Variants in OGT observed in about 807,000 individuals in gnomAD.
OGT encodes O-linked N-acetylglucosamine (GlcNAc) transferase.
Under a neutral mutation model 75.8 loss-of-function variants are expected in OGT, and 3 were observed. The ratio of observed to expected loss-of-function variants is 0.04; its 90% CI spans 0.02 to 0.10. The LOEUF (loss-of-function observed/expected upper bound fraction) is 0.10, where lower values mean the gene tolerates loss of function less well. Among genes scored for constraint, OGT ranks in the 10% least tolerant of loss-of-function variants. The pLI, the probability that OGT is intolerant of heterozygous loss-of-function variation, is 1.00. For missense variants in OGT, 260 were observed against 824.4 expected (o/e 0.32, Z 8.38); for synonymous variants, 257 against 289.7 (o/e 0.89, Z 1.15).
intron 5 of OGT, among the ~76,000 whole-genome samples, chrX:71,549,540 CT>C (rs781163939): frequency 7.5e-5 from 8 of 106,544 alleles, no homozygotes; most frequent in Admixed American, 2.0e-4. Context: ...TAATCCAGCA[CT>C]TTGCGAGGCT....
chrX:71,557,583 G>A lies in OGT; in HGVS notation c.1513G>A (p.Val505Met). Reference sequence around the variant, plus strand: ...GTTAGAGAAGAATAGGTTGCCTTCTGTGCATCCTCATCATAGTATGCTATA... The same window carrying A: ...GTTAGAGAAGAATAGGTTGCCTTCTATGCATCCTCATCATAGTATGCTATA... ...DQLEKNRLPS[V>M]HPHHSMLYPL... Residue 505 changes from valine (V) to methionine (M), a missense_variant, in exon 12 of 22, where the codon GTG becomes ATG. Val to Met is a conservative substitution (Grantham distance 21, BLOSUM62 1). Around this residue, in one of 6 missense-constraint regions of OGT, gnomAD observed 99 missense variants for 417.9 expected, o/e 0.24. Coordinates refer to ENST00000373719, the MANE Select transcript of OGT (RefSeq NM_181672.3). The A allele has an allele frequency of 8.3e-7, 1 of 1,208,604 alleles. No homozygotes were observed. Among genetic ancestry groups the A allele is most frequent in the Non-Finnish European group, 1.1e-6 (1 of 892,577 alleles).
At chrX:71,564,894 C>T (rs962329455) in intron 19 of OGT, 141 bp downstream of exon 19, 9 of 415,451 alleles carry the variant, frequency 2.2e-5, no homozygotes, top group African/African-American at 1.3e-4. Context: ...CAGTGGCTCA[C>T]GCCTGTAATC....
chrX:71,551,438 C>G (rs1360043644), intron 5 of OGT, among the ~76,000 whole-genome samples: 1 of 111,997 alleles, frequency 8.9e-6, no homozygotes, highest in East Asian at 2.8e-4. Context: ...TCGAGACCAG[C>G]CTGGCCAACA....
intron 5 of OGT, among the ~76,000 whole-genome samples, chrX:71,548,420 A>T (rs1010796654): frequency 9.0e-6 from 1 of 111,470 alleles, no homozygotes; most frequent in Non-Finnish European, 1.9e-5. Flanking sequence ...TGAGTGACAG[A>T]GTGAGACCCT....
At chrX:71,555,134 TTGTGTG>T (rs376605851) in intron 6 of OGT, 50 bp from the exon 7 acceptor site, 5,515 of 524,138 alleles carry the variant, frequency 0.011, 6 homozygotes, top group East Asian at 0.019. Context: ...GAGTTACATT[TTGTGTG>T]TGTGTGTGTG....
At chrX:71,557,953 C>CT (rs1332653132) in intron 12 of OGT, among the ~76,000 whole-genome samples, 1 of 108,669 alleles carries the variant, frequency 9.2e-6, no homozygotes, top group Non-Finnish European at 1.9e-5. Context: ...TTTCTTTTAT[C>CT]TTTTTTTTCT....
At chrX:71,543,996 G>C (rs2040242626) in intron 3 of OGT, among the ~76,000 whole-genome samples, 1 of 109,328 alleles carries the variant, frequency 9.1e-6, no homozygotes, top group Non-Finnish European at 1.9e-5. Context: ...ATGTTGGCCA[G>C]GTTGATCTCG....
intron 1 of OGT, among the ~76,000 whole-genome samples, chrX:71,533,706 C>G (rs1404982994): frequency 9.0e-6 from 1 of 110,792 alleles, no homozygotes; most frequent in African/African-American, 3.3e-5. Flanking sequence ...TCCCCTAATT[C>G]CAGCTCATCG....
intron 4 of OGT, chrX:71,546,817 G>A (rs1408095512): frequency 1.3e-6 from 1 of 753,716 alleles, no homozygotes; most frequent in Non-Finnish European, 1.6e-6. Context: ...CAGCGTTAAT[G>A]CGCATTGCGT....
chrX:71,571,020 G>C lies in OGT; in HGVS notation c.2967-2600G>C, dbSNP rs777971139. Among the ~76,000 whole-genome samples, 12 of 106,989 alleles carry C rather than the reference G, an allele frequency of 1.1e-4. No homozygotes were observed. In the South Asian group the frequency reaches 5.1e-3, roughly 46 times the overall value. 92.9% of individuals were successfully genotyped at this position (106,989 alleles called of 115,157 possible). A position where few individuals can be genotyped will look rare whatever the true frequency, so the allele number is the denominator to read the frequency against. ...GGTCTCACCAATATTGCCCAGGCTG[G>C]TAACTCCTGGGCCCAAGCAGTCCAC... On this transcript the variant is annotated intron_variant, in intron 21 of 21. Transcript: ENST00000373719.
At chrX:71,543,780 A>G (rs868415758) in intron 3 of OGT, among the ~76,000 whole-genome samples, 1,365 of 99,341 alleles carry the variant, frequency 0.014, 24 homozygotes, top group African/African-American at 0.041. Context: ...ATATATATAT[A>G]TATATATATA....
At chrX:71,565,518 C>T (rs762061350) in intron 19 of OGT, among the ~76,000 whole-genome samples, 4 of 111,625 alleles carry the variant, frequency 3.6e-5, no homozygotes, top group Non-Finnish European at 5.6e-5. Flanking sequence ...TGTGAGCCAC[C>T]GCACCTGGCC....
At chrX:71,544,922 C>G (rs1322303503) in intron 4 of OGT, 1 of 269,523 alleles carries the variant, frequency 3.7e-6, no homozygotes, top group African/African-American at 2.7e-5. Context: ...AATAACATTC[C>G]TTCAAATCTG....
intron 11 of OGT, 63 bp from the exon 12 acceptor site, chrX:71,557,430 A>C: frequency 1.8e-6 from 2 of 1,123,202 alleles, no homozygotes; most frequent in Non-Finnish European, 2.4e-6. Flanking sequence ...GGCCAAAGAC[A>C]TATCAAATAT....
At chrX:71,561,478 G>T (rs2147688124) in intron 14 of OGT, among the ~76,000 whole-genome samples, 1 of 105,959 alleles carries the variant, frequency 9.4e-6, no homozygotes. Flanking sequence ...AAAAAAAAAA[G>T]ATTACAAATT....
intron 4 of OGT, 40 bp downstream of exon 4, chrX:71,544,675 GA>G: frequency 9.2e-7 from 1 of 1,091,860 alleles, no homozygotes; most frequent in Non-Finnish European, 1.3e-6. Context: ...TCAGTATTAT[GA>G]AAACTTGTAC....
At chrX:71,535,869 T>A (rs745386368) in intron 1 of OGT, among the ~76,000 whole-genome samples, 1 of 112,267 alleles carries the variant, frequency 8.9e-6, no homozygotes, top group East Asian at 2.8e-4. Context: ...AATCCTTAGA[T>A]GCTACCTATG....
At chrX:71,554,909 C>T (rs188604020) in intron 6 of OGT, among the ~76,000 whole-genome samples, 469 of 111,730 alleles carry the variant, frequency 4.2e-3, no homozygotes, top group African/African-American at 0.015. Context: ...CAAAGTAAAT[C>T]CAGACTTTTA....
At chrX:71,560,689 A>G (rs1666049633) in intron 14 of OGT, among the ~76,000 whole-genome samples, 1 of 111,955 alleles carries the variant, frequency 8.9e-6, no homozygotes, top group Admixed American at 9.5e-5. Context: ...CAAATTTTGC[A>G]GTATAGCTGT....
Sources: gnomAD v4.1 joint callset for allele counts (sites outside exome capture counted in the v4.1 genomes callset) on GRCh38, gnomAD v4.1.1 for gene constraint, gnomAD v4.1.1 regional missense constraint, MANE v1.5 for transcripts, NCBI Gene and HGNC (gene_info 2026-07-23, HGNC 2026-07-21) for gene names.